PDLIM5: variants seen among roughly 807,000 people sequenced by gnomAD.
PDLIM5 encodes PDZ and LIM domain protein 5.
In PDLIM5, 34 loss-of-function variants were observed where a neutral mutation model predicts 64.2. The ratio of observed to expected loss-of-function variants is 0.53; its 90% CI spans 0.40 to 0.71. The LOEUF is 0.71. PDLIM5 is among the 30% of genes least tolerant of loss of function. PDLIM5 has a pLI of 0.00. For synonymous variants in PDLIM5, 253 were observed against 269.1 expected (o/e 0.94, Z 0.59); for missense variants, 683 against 733.6 (o/e 0.93, Z 0.80).
intron 7 of PDLIM5, among the ~76,000 whole-genome samples, chr4:94,590,012 A>G (rs1736558781): frequency 1.3e-5 from 2 of 152,120 alleles, no homozygotes; most frequent in African/African-American, 4.8e-5. Context: ...CCTGACCTCC[A>G]GTTATCCGCC....
At chr4:94,584,729 G>A (rs1736019926) in intron 5 of PDLIM5, 4 of 430,788 alleles carry the variant, frequency 9.3e-6, no homozygotes, top group African/African-American at 2.1e-5. Flanking sequence ...CCTGGGCCTA[G>A]TGAAGATTTG....
At chr4:94,552,398 G>A (rs1044368998) in intron 3 of PDLIM5, among the ~76,000 whole-genome samples, 3 of 152,066 alleles carry the variant, frequency 2.0e-5, no homozygotes, top group African/African-American at 7.2e-5. Context: ...AAAAATGAAA[G>A]TATTGCTTAA....
In PDLIM5 at chr4:94,665,502, AAAAAG is replaced by A. The variant is rs1743034666; in HGVS notation, c.*1437_*1441del. The A allele has an allele frequency of 1.3e-6, 1 of 789,090 alleles. No homozygotes were observed. The highest frequency in any genetic ancestry group is 1.5e-6 in the Non-Finnish European group (1 of 652,948). The allele number at this position is 789,090 out of a possible 1,614,324, so 48.9% of individuals were successfully genotyped here. ...CTCTTAAAAAAAAAAAAAAAAAAAA[AAAAAG>A]AGAGAGAGAGAATAAATAGAAAAGA... On this transcript the variant is annotated 3_prime_UTR_variant, in exon 13 of 13. Transcript: ENST00000317968.
At chr4:94,457,065 T>C (rs1723438413) in intron 2 of PDLIM5, 1 of 870,262 alleles carries the variant, frequency 1.1e-6, no homozygotes, top group African/African-American at 1.8e-5. Context: ...TATATGTGTA[T>C]GTATAAATAT....
At chr4:94,613,634 C>G (rs1460272663) in intron 7 of PDLIM5, among the ~76,000 whole-genome samples, 1 of 152,048 alleles carries the variant, frequency 6.6e-6, no homozygotes, top group Non-Finnish European at 1.5e-5. Context: ...ATTTCAGTCC[C>G]TGTTTATTTG....
chr4:94,648,515 G>T (rs2110476442), intron 9 of PDLIM5, among the ~76,000 whole-genome samples: 1 of 152,190 alleles, frequency 6.6e-6, no homozygotes, highest in East Asian at 1.9e-4. Context: ...AGACAGTCTG[G>T]CCTCGAACTC....
chr4:94,466,177 A>G (rs1233727838), intron 2 of PDLIM5, among the ~76,000 whole-genome samples: 1 of 152,102 alleles, frequency 6.6e-6, no homozygotes, highest in East Asian at 1.9e-4. Context: ...TATGTTGCCC[A>G]GGCTGATCTG....
At chr4:94,610,794 TAGAGCTTCAAATGCTTTC>T (rs1201213486) in intron 7 of PDLIM5, among the ~76,000 whole-genome samples, 2 of 152,214 alleles carry the variant, frequency 1.3e-5, no homozygotes, top group African/African-American at 4.8e-5. Flanking sequence ...CTATAGTCTT[TAGAGCTTCAAATGCTTTC>T]TAAATGATGG....
At chr4:94,585,021 T>C in intron 5 of PDLIM5, 1 of 1,274,200 alleles carries the variant, frequency 7.8e-7, no homozygotes, top group Non-Finnish European at 1.1e-6. Flanking sequence ...TTCTGTTGAA[T>C]ACATTCTAAT....
At chr4:94,524,291 C>T (rs575834547) in intron 3 of PDLIM5, among the ~76,000 whole-genome samples, 270 of 150,246 alleles carry the variant, frequency 1.8e-3, no homozygotes, top group African/African-American at 6.2e-3. Context: ...ATTGCTTGAG[C>T]CCAGGAGGTC....
chr4:94,520,255 C>A (rs1485664259), intron 2 of PDLIM5, among the ~76,000 whole-genome samples: 2 of 152,100 alleles, frequency 1.3e-5, no homozygotes, highest in Non-Finnish European at 2.9e-5. Flanking sequence ...ATTTAAAGAT[C>A]AAAAAGGAAG....
rs113509520 is a variant in PDLIM5 at position 94,455,166 on chromosome 4, C to T, written c.-42-81C>T. 4.1e-3 allele frequency: 2,546 copies of T among 616,198 alleles called. 64 individuals are homozygous for T. Among genetic ancestry groups the T allele is most frequent in the African/African-American group, 0.041 (2,247 of 54,450 alleles). The allele number at this position is 616,198 out of a possible 1,614,324, so 38.2% of individuals were successfully genotyped here. On this transcript the variant is annotated intron_variant, in intron 1 of 12. Coordinates refer to ENST00000317968, the MANE Select transcript of PDLIM5 (RefSeq NM_006457.5). ...TTATCTTCTATATCCTCTCACCCCCCTCAAACAAAATACTAAACATAATTT... is the reference window on the plus strand; with the variant it reads ...TTATCTTCTATATCCTCTCACCCCCTTCAAACAAAATACTAAACATAATTT...
intron 8 of PDLIM5, among the ~76,000 whole-genome samples, chr4:94,621,070 CAAAAAAAAAAAAAAA>C (rs10526750): frequency 1.2e-5 from 1 of 81,608 alleles, no homozygotes; most frequent in Non-Finnish European, 2.3e-5. Context: ...GACTCTGTCT[CAAAAAAAAAAAAAAA>C]AAAAAAAAAA....
At chr4:94,533,477 A>C (rs1246258710) in intron 3 of PDLIM5, among the ~76,000 whole-genome samples, 1 of 152,204 alleles carries the variant, frequency 6.6e-6, no homozygotes, top group Non-Finnish European at 1.5e-5. Context: ...TTTAATATGT[A>C]GAATTTTTAA....
chr4:94,485,688 AC>A (rs1560647777), intron 2 of PDLIM5, among the ~76,000 whole-genome samples: 1 of 150,840 alleles, frequency 6.6e-6, no homozygotes, highest in African/African-American at 2.4e-5. Flanking sequence ...AAAAAAAAAA[AC>A]CCCAAAAACC....
chr4:94,634,170 C>T (rs1163063849), intron 8 of PDLIM5, among the ~76,000 whole-genome samples: 1 of 151,828 alleles, frequency 6.6e-6, no homozygotes, highest in East Asian at 1.9e-4. Flanking sequence ...TGTTCAAAAC[C>T]CTCCAATTAT....
chr4:94,590,944 C>T (rs1736628840), intron 7 of PDLIM5, among the ~76,000 whole-genome samples: 1 of 152,018 alleles, frequency 6.6e-6, no homozygotes, highest in African/African-American at 2.4e-5. Flanking sequence ...TAGTTGGTAC[C>T]AGCCCTGATT....
At chr4:94,582,655 G>A in intron 5 of PDLIM5, 2 of 1,032,872 alleles carry the variant, frequency 1.9e-6, no homozygotes, top group South Asian at 1.4e-5. Context: ...CATCTTCCGG[G>A]GAACATCAAT....
rs535165366 is a variant in PDLIM5 at position 94,458,479 on chromosome 4, G to GGTTTT, written c.96+3106_96+3110dup. The stretch of plus-strand genomic sequence containing the variant: ...GTAGTTGTAGGGAACATACAGTTAT[G>GGTTTT]GTTTTGTTTTGTTTTTTTAAACTTA... On this transcript the variant is annotated intron_variant, in intron 2 of 12. Transcript: ENST00000317968. Among the ~76,000 whole-genome samples, 37 of 152,006 alleles carry GGTTTT rather than the reference G, an allele frequency of 2.4e-4. No individual in the cohort carries two copies. In the East Asian group the frequency reaches 6.8e-3, roughly 28 times the overall value.
Sources: allele counts gnomAD v4.1 joint callset (sites outside exome capture counted in the v4.1 genomes callset), GRCh38; gene constraint gnomAD v4.1.1; transcripts MANE v1.5; gene names NCBI Gene and HGNC (gene_info 2026-07-23, HGNC 2026-07-21).